Variants in SYT16 observed in about 807,000 individuals in gnomAD.
The protein encoded by SYT16 is synaptotagmin-16.
A neutral mutation model predicts 61.4 loss-of-function variants in SYT16; 42 were observed. The observed-to-expected ratio is 0.68, with a 90% CI of 0.53 to 0.89. The LOEUF (loss-of-function observed/expected upper bound fraction) is 0.89, where lower values mean the gene tolerates loss of function less well. Ranked by LOEUF, SYT16 falls within the 40% of genes least tolerant of loss-of-function variation. SYT16 has a pLI of 0.00. For synonymous variants in SYT16, 314 were observed against 302.3 expected, an observed-to-expected ratio of 1.04 and a Z score of -0.40; for missense variants, 804 against 807.3, an observed-to-expected ratio of 1.00 and a Z score of 0.05.
At chr14:61,959,470 C>T (rs1394316916) in intron 1 of SYT16, among the ~76,000 whole-genome samples, 1 of 152,002 alleles carries the variant, frequency 6.6e-6, no homozygotes, top group Non-Finnish European at 1.5e-5. Context: ...ATAGTTATAG[C>T]AGTGTATTTT....
intron 1 of SYT16, among the ~76,000 whole-genome samples, chr14:61,834,621 G>A (rs1348842272): frequency 6.6e-6 from 1 of 151,758 alleles, no homozygotes; most frequent in Admixed American, 6.6e-5. Flanking sequence ...ATTTTTAGTA[G>A]AGATGGGGTT....
rs142334425 is a variant in SYT16 at position 61,909,057 on chromosome 14, C to T, written c.-324-61075C>T. On this transcript the variant is annotated intron_variant, in intron 1 of 7. Coordinates refer to ENST00000683842, the MANE Select transcript of SYT16 (RefSeq NM_001367656.1). ...CAGGCTGGTCTTGAACTCCCAGTCT[C>T]CCAAAGTGCTGGGATTACAGGCATG... is the stretch of plus-strand genomic sequence containing the variant. Among the ~76,000 whole-genome samples, 3 of 152,242 alleles carry T rather than the reference C, an allele frequency of 2.0e-5. No individual in the cohort carries two copies. The East Asian group carries it at 5.8e-4, about 29-fold the overall frequency.
At chr14:62,053,333 T>C (rs910337337) in intron 3 of SYT16, among the ~76,000 whole-genome samples, 1 of 152,156 alleles carries the variant, frequency 6.6e-6, no homozygotes, top group Non-Finnish European at 1.5e-5. Context: ...CATCATCTGC[T>C]CTCCTGATTC....
intron 1 of SYT16, among the ~76,000 whole-genome samples, chr14:61,832,744 A>G (rs1346982851): frequency 1.3e-5 from 2 of 152,066 alleles, no homozygotes; most frequent in Non-Finnish European, 2.9e-5. Flanking sequence ...GGCCCAGCCC[A>G]GTAGTTCTTT....
chr14:62,036,052 C>T (rs2054494015), intron 3 of SYT16, among the ~76,000 whole-genome samples: 1 of 152,032 alleles, frequency 6.6e-6, no homozygotes. Context: ...GGGAATATTA[C>T]AAGTAAAGGG....
intron 3 of SYT16, among the ~76,000 whole-genome samples, chr14:62,058,538 A>G (rs1394421343): frequency 2.0e-5 from 3 of 151,078 alleles, no homozygotes; most frequent in Non-Finnish European, 4.4e-5. Context: ...TAATTTTTGT[A>G]TTTTTTAGTA....
chr14:61,976,749 G>A (rs1049255230), intron 2 of SYT16, among the ~76,000 whole-genome samples: 1 of 152,102 alleles, frequency 6.6e-6, no homozygotes, highest in Non-Finnish European at 1.5e-5. Context: ...GATGGGAAGG[G>A]CTGCCATGAG....
intron 1 of SYT16, among the ~76,000 whole-genome samples, chr14:61,815,465 A>G (rs72716735): frequency 0.12 from 17,753 of 152,264 alleles, 1,116 homozygotes; most frequent in African/African-American, 0.15. Flanking sequence ...AAATCCAAGT[A>G]TTCTATTCCA....
intron 2 of SYT16, among the ~76,000 whole-genome samples, chr14:61,976,737 G>T (rs1216412946): frequency 6.6e-6 from 1 of 152,138 alleles, no homozygotes; most frequent in African/African-American, 2.4e-5. Context: ...CTCTGAGCCT[G>T]TGATGGGAAG....
chr14:61,896,386 C>T (rs2048328345), intron 1 of SYT16, among the ~76,000 whole-genome samples: 1 of 152,196 alleles, frequency 6.6e-6, no homozygotes, highest in African/African-American at 2.4e-5. Context: ...TTCCACATAC[C>T]TACTCATAGT....
intron 3 of SYT16, among the ~76,000 whole-genome samples, chr14:62,037,857 A>C (rs2054570879): frequency 6.6e-6 from 1 of 152,122 alleles, no homozygotes; most frequent in Admixed American, 6.5e-5. Context: ...GTGGCCCCCC[A>C]GAGCCTTCTA....
At chr14:61,903,370 T>C (rs192556148) in intron 1 of SYT16, among the ~76,000 whole-genome samples, 63 of 152,320 alleles carry the variant, frequency 4.1e-4, no homozygotes, top group Admixed American at 4.1e-3. Context: ...GGCTTCCGCC[T>C]TATTCGTCTT....
chr14:61,975,235 G>T (rs1246907126), intron 2 of SYT16, among the ~76,000 whole-genome samples: 1 of 151,940 alleles, frequency 6.6e-6, no homozygotes, highest in Non-Finnish European at 1.5e-5. Flanking sequence ...TCAACAAACA[G>T]GTGGTAATAT....
At chr14:61,922,285 A>G (rs2049362358) in intron 1 of SYT16, among the ~76,000 whole-genome samples, 1 of 152,220 alleles carries the variant, frequency 6.6e-6, no homozygotes, top group Admixed American at 6.5e-5. Flanking sequence ...ATCAACCTAA[A>G]TGCCCATCAA....
chr14:61,859,240 G>C (rs954940146), intron 1 of SYT16, among the ~76,000 whole-genome samples: 2 of 152,180 alleles, frequency 1.3e-5, no homozygotes, highest in African/African-American at 4.8e-5. Flanking sequence ...GCTTGCGCTA[G>C]TGAATGCTGG....
chr14:62,051,620 C>T (rs981587303), intron 3 of SYT16, among the ~76,000 whole-genome samples: 1 of 152,224 alleles, frequency 6.6e-6, no homozygotes, highest in Admixed American at 6.5e-5. Flanking sequence ...CTCCACCTCC[C>T]TGTATTTTTC....
At chr14:62,027,444 G>A (rs948050633) in intron 3 of SYT16, among the ~76,000 whole-genome samples, 6 of 152,180 alleles carry the variant, frequency 3.9e-5, no homozygotes, top group African/African-American at 1.4e-4. Context: ...ACATGGAAGG[G>A]ATGGGTATAA....
At position 61,976,447 on chromosome 14, in the gene SYT16, A is replaced by T. The variant is rs186437599; in HGVS notation, c.-145+6136A>T. On this transcript the variant is annotated intron_variant, in intron 2 of 7. Transcript: ENST00000683842. ...TAGTAGAGGTTCTCCATGAGGGCTC[A>T]GCTCCTGCAGCAAACTTCTGCCTGG... Among the ~76,000 whole-genome samples, 84 of 152,320 alleles carry T rather than the reference A, an allele frequency of 5.5e-4. 1 individual carries two copies. The East Asian group carries it at 0.015, about 28-fold the overall frequency.
At chr14:61,856,781 C>G (rs781730106) in intron 1 of SYT16, among the ~76,000 whole-genome samples, 2 of 152,062 alleles carry the variant, frequency 1.3e-5, no homozygotes, top group Non-Finnish European at 2.9e-5. Context: ...TGTTAAACAC[C>G]ATGATTTGAC....
Sources: allele counts gnomAD v4.1 joint callset (sites outside exome capture counted in the v4.1 genomes callset), GRCh38; gene constraint gnomAD v4.1.1; transcripts MANE v1.5; gene names NCBI Gene and HGNC (gene_info 2026-07-23, HGNC 2026-07-21).